The following RFTN1 variants were observed in gnomAD, a reference collection of about 807,000 sequenced individuals.
RFTN1 encodes raftlin.
In RFTN1, 26 loss-of-function variants were observed where a neutral mutation model predicts 46.5. That is an observed-to-expected ratio of 0.56 (90% CI 0.41 to 0.78). RFTN1 has a LOEUF of 0.78. Among genes scored for constraint, RFTN1 ranks in the 30% least tolerant of loss-of-function variants. The pLI is 0.00. For synonymous variants in RFTN1, 261 were observed against 284.2 expected, an observed-to-expected ratio of 0.92 and a Z score of 0.82; for missense variants, 693 against 718.7, an observed-to-expected ratio of 0.96 and a Z score of 0.41.
At chr3:16,319,230 TAG>T (rs2068772730) in intron 9 of RFTN1, among the ~76,000 whole-genome samples, 1 of 152,216 alleles carries the variant, frequency 6.6e-6, no homozygotes, top group African/African-American at 2.4e-5. Context: ...CCTACCTGTG[TAG>T]TATAGTACTC....
chr3:16,345,416 C>CA lies in RFTN1; in HGVS notation c.1146+12515dup, dbSNP rs1244339112. Among the ~76,000 whole-genome samples the CA allele has an allele frequency of 6.6e-6, 1 of 152,120 alleles. No individual in the cohort carries two copies. The highest frequency in any genetic ancestry group is 1.5e-5 in the Non-Finnish European group (1 of 68,026). On this transcript the variant is annotated intron_variant, in intron 7 of 9. Transcript: ENST00000334133. The surrounding 1 kb of genome is among the most constrained non-coding windows in gnomAD (Gnocchi z 5.2). ...CTTAACTTGCCACAGGATGCATAAA[C>CA]ATTATTTTTGGGCATGTTGTGAGGG... is the stretch of plus-strand genomic sequence containing the variant.
rs2076688629 is a variant in RFTN1, at chr3:16,500,113, T to C, written c.-8-6236A>G. On this transcript the variant is annotated intron_variant, in intron 1 of 9. Transcript: ENST00000334133. This position sits in a 1 kb window ranked among gnomAD's most constrained non-coding sequence, Gnocchi z 5.9. ...CACTGACTTTTTCTCTGGTTGTTGC[T>C]TGTTTTTGTAAAAAACACATGCTAA... is the stretch of plus-strand genomic sequence containing the variant. Among the ~76,000 whole-genome samples, 2 of 152,248 alleles carry C rather than the reference T, an allele frequency of 1.3e-5. No homozygotes were observed. Among genetic ancestry groups the C allele is most frequent in the Admixed American group, 1.3e-4 (2 of 15,288 alleles).
chr3:16,329,912 C>T lies in RFTN1; in HGVS notation c.1147-3036G>A, dbSNP rs972199366. ...CGGGCCAGGTTTTCTCTGCGGGCAC[C>T]CAGAGCTGCGAGACAATGAACGACC... On this transcript the variant is annotated intron_variant, in intron 7 of 9. Transcript: ENST00000334133. This position sits in a 1 kb window ranked among gnomAD's most constrained non-coding sequence, Gnocchi z 4.5. Among the ~76,000 whole-genome samples the T allele has an allele frequency of 2.0e-5, 3 of 152,122 alleles. No individual in the cohort carries two copies. The highest frequency in any genetic ancestry group is 1.3e-4 in the Admixed American group (2 of 15,282).
At chr3:16,469,612 C>T (rs768690198) in intron 2 of RFTN1, among the ~76,000 whole-genome samples, 1 of 152,170 alleles carries the variant, frequency 6.6e-6, no homozygotes, top group Non-Finnish European at 1.5e-5. Flanking sequence ...CATGGTAGGG[C>T]GTGCTCCACA....
chr3:16,405,863 G>C (rs1438168316), intron 4 of RFTN1, among the ~76,000 whole-genome samples: 1 of 152,100 alleles, frequency 6.6e-6, no homozygotes, highest in African/African-American at 2.4e-5. Context: ...ACTTGTCATA[G>C]GAACGGGAGC....
Position 16,345,829 on chromosome 3 carries a change from T to TGC in RFTN1, c.1146+12101_1146+12102dup, listed in dbSNP as rs1553726204. Among the ~76,000 whole-genome samples, 944 of 69,788 alleles carry TGC rather than the reference T, an allele frequency of 0.014. 4 individuals are homozygous for TGC. Among genetic ancestry groups the TGC allele is most frequent in the Middle Eastern group, 0.049 (6 of 122 alleles). 45.8% of individuals were successfully genotyped at this position (69,788 alleles called of 152,430 possible). ...GTGTGTGTGTGTGTGCGCGCGCGCG[T>TGC]GCGCGCACGCGCACATGTGCATGTG... On this transcript the variant is annotated intron_variant, in intron 7 of 9. Transcript: ENST00000334133. The surrounding 1 kb of genome is among the most constrained non-coding windows in gnomAD (Gnocchi z 5.2).
chr3:16,365,786 T>C (rs1210907002), intron 6 of RFTN1, among the ~76,000 whole-genome samples: 1 of 151,998 alleles, frequency 6.6e-6, no homozygotes, highest in Non-Finnish European at 1.5e-5. Flanking sequence ...AGATATAAGA[T>C]CAATGACACC....
In RFTN1 at chr3:16,345,882, T is replaced by C. The variant is rs1193908410; in HGVS notation, c.1146+12050A>G. 6.6e-6 allele frequency: 1 copy of C among 151,696 alleles called. No individual in the cohort carries two copies. The highest frequency in any genetic ancestry group is 2.4e-5 in the African/African-American group (1 of 41,266). 9.4% of individuals were successfully genotyped at this position (151,696 alleles called of 1,614,324 possible). A position where few individuals can be genotyped will look rare whatever the true frequency, so the allele number is the denominator to read the frequency against. The stretch of plus-strand genomic sequence containing the variant: ...TGTGTATAATCTCCTACTGGTTCTG[T>C]TTTACTGGAGAACCCTAATACACTT... On this transcript the variant is annotated intron_variant, in intron 7 of 9. Coordinates refer to ENST00000334133, the MANE Select transcript of RFTN1 (RefSeq NM_015150.2). This position sits in a 1 kb window ranked among gnomAD's most constrained non-coding sequence, Gnocchi z 5.2.
rs1381025333 is a variant in RFTN1, at chr3:16,322,567, T to TC, written c.1332+808dup. Among the ~76,000 whole-genome samples the TC allele has an allele frequency of 3.3e-5, 5 of 152,152 alleles. No homozygotes were observed. The East Asian group carries it at 9.7e-4, about 29-fold the overall frequency. ...CTGACTCAGGCTTTGGTGTGTCCACTCGACTCACTGGCCTCTTCCCCAGCA... is the reference window on the plus strand; with the variant it reads ...CTGACTCAGGCTTTGGTGTGTCCACTCCGACTCACTGGCCTCTTCCCCAGCA... On this transcript the variant is annotated intron_variant, in intron 9 of 9. Coordinates refer to ENST00000334133, the MANE Select transcript of RFTN1 (RefSeq NM_015150.2). This position sits in a 1 kb window ranked among gnomAD's most constrained non-coding sequence, Gnocchi z 6.2.
At chr3:16,436,568 T>C (rs2075520161) in intron 2 of RFTN1, among the ~76,000 whole-genome samples, 1 of 152,176 alleles carries the variant, frequency 6.6e-6, no homozygotes, top group Admixed American at 6.5e-5. Context: ...AACAATTCTC[T>C]TGTGAATTCC....
Position 16,358,044 on chromosome 3 carries a change from G to T in RFTN1, c.1034C>A (p.Ser345Tyr). ...TACTCCATCTGTCAAGCCATGTAAG[G>T]AATCTGTGGAAAAAGAAAAAGGCGG... ...AVFYLGIVND[S>Y]LHGLTDGVFI... The change falls in exon 7 of 10, where the codon TCC (serine) becomes TAC (tyrosine). Residue 345 changes from serine to tyrosine, a missense_variant. By Grantham distance (144) the Ser-to-Tyr change is moderately radical. Transcript: ENST00000334133. 3.4e-6 allele frequency: 3 copies of T among 871,830 alleles called. No homozygotes were observed. The highest frequency in any genetic ancestry group is 5.1e-6 in the Non-Finnish European group (3 of 585,158). The allele number at this position is 871,830 out of a possible 1,614,324, so 54.0% of individuals were successfully genotyped here.
chr3:16,433,930 A>G lies in RFTN1; in HGVS notation c.253T>C (p.Phe85Leu). The change falls in exon 3 of 10, where the codon TTC becomes CTC. Residue 85 changes from phenylalanine (F) to leucine (L), a missense_variant. By Grantham distance (22) the Phe-to-Leu change is conservative. Coordinates refer to ENST00000334133, the MANE Select transcript of RFTN1 (RefSeq NM_015150.2). This position sits in a 1 kb window ranked among gnomAD's most constrained non-coding sequence, Gnocchi z 4.4. ...TCCCGCTCATGGGTGGGCTGCACGA[A>G]GGGGTGCAGGGCCGCCAGCGAGAAG... ...QGFSLAALHP[F>L]VQPTHEREKT... 1.9e-6 allele frequency: 3 copies of G among 1,614,144 alleles called. No homozygotes were observed. Among genetic ancestry groups the G allele is most frequent in the Non-Finnish European group, 2.5e-6 (3 of 1,180,006 alleles).
chr3:16,367,387 T>C (rs2073253002), intron 6 of RFTN1, among the ~76,000 whole-genome samples: 1 of 152,208 alleles, frequency 6.6e-6, no homozygotes. Context: ...CCAGGAAGCA[T>C]TACTCCCAGT....
At chr3:16,434,369 CAA>C (rs1381041959) in intron 2 of RFTN1, among the ~76,000 whole-genome samples, 2 of 136,006 alleles carry the variant, frequency 1.5e-5, no homozygotes, top group Admixed American at 1.5e-4. Context: ...CTTAAACAAA[CAA>C]ACAAACAAAC....
chr3:16,386,947 C>T (rs1242311825), intron 4 of RFTN1, among the ~76,000 whole-genome samples: 1 of 152,140 alleles, frequency 6.6e-6, no homozygotes, highest in African/African-American at 2.4e-5. Flanking sequence ...TGTCAAACAA[C>T]TGAAGCAAAA....
chr3:16,376,151 G>A lies in RFTN1; in HGVS notation c.826+1567C>T, dbSNP rs1371227668. On this transcript the variant is annotated intron_variant, in intron 5 of 9. Coordinates refer to ENST00000334133, the MANE Select transcript of RFTN1 (RefSeq NM_015150.2). The surrounding 1 kb of genome is among the most constrained non-coding windows in gnomAD (Gnocchi z 4.7). ...TCAAAGCCAGGATTCCATGAGAGGT[G>A]GAGGTCGAGTGTCAGGACTACTGAG... Among the ~76,000 whole-genome samples the A allele has an allele frequency of 6.6e-6, 1 of 152,152 alleles. No individual in the cohort carries two copies. Among genetic ancestry groups the A allele is most frequent in the Non-Finnish European group, 1.5e-5 (1 of 68,026 alleles).
chr3:16,508,099 A>G (rs1371290946), intron 1 of RFTN1, among the ~76,000 whole-genome samples: 1 of 152,124 alleles, frequency 6.6e-6, no homozygotes, highest in Non-Finnish European at 1.5e-5. Context: ...GCTTATGTTG[A>G]TTTCCCACTT....
chr3:16,463,257 T>C (rs1189238840), intron 2 of RFTN1, among the ~76,000 whole-genome samples: 2 of 152,214 alleles, frequency 1.3e-5, no homozygotes, highest in Admixed American at 6.5e-5. Flanking sequence ...CCTCAAACAC[T>C]GCTTCTGTCT....
Position 16,353,625 on chromosome 3 carries a change from G to C in RFTN1, c.1146+4307C>G, listed in dbSNP as rs1377670925. Among the ~76,000 whole-genome samples, 1 of 152,200 alleles carries C rather than the reference G, an allele frequency of 6.6e-6. No homozygotes were observed. Among genetic ancestry groups the C allele is most frequent in the African/African-American group, 2.4e-5 (1 of 41,444 alleles). ...GCGTATGTTGAGGCTCCAAGCCCTA[G>C]TTTGGCTGTATTTGGAGATGGGGCC... On this transcript the variant is annotated intron_variant, in intron 7 of 9. Coordinates refer to ENST00000334133, the MANE Select transcript of RFTN1 (RefSeq NM_015150.2). This position sits in a 1 kb window ranked among gnomAD's most constrained non-coding sequence, Gnocchi z 5.4.
Sources: allele counts gnomAD v4.1 joint callset (sites outside exome capture counted in the v4.1 genomes callset), GRCh38; gene constraint gnomAD v4.1.1; non-coding constraint Gnocchi (gnomAD v3.1); transcripts MANE v1.5; gene names NCBI Gene and HGNC (gene_info 2026-07-23, HGNC 2026-07-21).